AASS: variants seen among roughly 807,000 people sequenced by gnomAD.
AASS encodes the protein aminoadipate-semialdehyde synthase.
AASS carries 86 observed loss-of-function variants against 105.4 expected under a neutral mutation model. That is an observed-to-expected ratio of 0.82 (90% CI 0.69 to 0.98). The LOEUF is 0.98. Ranked by LOEUF, AASS falls within the 50% of genes least tolerant of loss-of-function variation. The pLI is 0.00. For missense variants in AASS, 1,048 were observed against 1,143.2 expected (o/e 0.92, Z 1.20); for synonymous variants, 381 against 394.8 (o/e 0.96, Z 0.41).
intron 3 of AASS, 67 bp downstream of exon 3, chr7:122,129,294 T>C (rs772480984): frequency 1.5e-5 from 16 of 1,073,346 alleles, no homozygotes; most frequent in Non-Finnish European, 1.9e-5. Flanking sequence ...AAAACTCCAT[T>C]TGGGGGTTAA....
intron 3 of AASS, among the ~76,000 whole-genome samples, chr7:122,128,382 T>G (rs1255185178): frequency 6.6e-6 from 1 of 152,210 alleles, no homozygotes; most frequent in Non-Finnish European, 1.5e-5. Flanking sequence ...TCATTTCAGA[T>G]GTATTGGCTC....
intron 1 of AASS, among the ~76,000 whole-genome samples, chr7:122,137,523 G>C (rs1281166590): frequency 1.3e-5 from 2 of 151,998 alleles, no homozygotes; most frequent in Non-Finnish European, 2.9e-5. Context: ...AATCATTCCT[G>C]AGTACCTGCC....
At chr7:122,116,796 C>G in intron 7 of AASS, 36 bp from the exon 8 acceptor site, 1 of 1,613,386 alleles carries the variant, frequency 6.2e-7, no homozygotes, top group African/African-American at 1.3e-5. Context: ...AAGTGGGTGA[C>G]AAATAATAAA....
At chr7:122,142,464 A>G (rs948975449) in intron 1 of AASS, among the ~76,000 whole-genome samples, 7 of 152,210 alleles carry the variant, frequency 4.6e-5, no homozygotes, top group Non-Finnish European at 1.0e-4. Context: ...TTAGAGCCCA[A>G]TAAGCCCTCT....
chr7:122,123,957 T>C (rs1795542524), intron 4 of AASS, among the ~76,000 whole-genome samples: 1 of 152,206 alleles, frequency 6.6e-6, no homozygotes, highest in Non-Finnish European at 1.5e-5. Context: ...GTAACCTGCA[T>C]GTCATCTTTA....
Position 122,074,412 on chromosome 7 carries a change from AATT to A in AASS, c.*2074_*2076del, listed in dbSNP as rs1234483830. On this transcript the variant is annotated 3_prime_UTR_variant, in exon 24 of 24. Transcript: ENST00000417368. ...TTAACTAATACATGATTTTAAAAAAAATTATCTCATTCTGTGGGTTGTATTTTT... is the reference window on the plus strand; with the variant it reads ...TTAACTAATACATGATTTTAAAAAAAATCTCATTCTGTGGGTTGTATTTTT... Among the ~76,000 whole-genome samples the A allele has an allele frequency of 1.3e-5, 2 of 152,224 alleles. No homozygotes were observed. Among genetic ancestry groups the A allele is most frequent in the African/African-American group, 4.8e-5 (2 of 41,460 alleles).
At chr7:122,123,759 AC>A (rs1795534821) in intron 4 of AASS, among the ~76,000 whole-genome samples, 1 of 152,158 alleles carries the variant, frequency 6.6e-6, no homozygotes, top group Non-Finnish European at 1.5e-5. Context: ...CTCTCATTCC[AC>A]CATCCCTAGA....
intron 23 of AASS, 112 bp from the exon 24 acceptor site, chr7:122,076,719 C>T: frequency 8.6e-6 from 7 of 817,062 alleles, no homozygotes; most frequent in Non-Finnish European, 1.5e-5. Context: ...TTCTTGGAGG[C>T]CTAGGCATTT....
chr7:122,133,836 G>T, intron 1 of AASS, 95 bp from the exon 2 acceptor site: 2 of 1,058,240 alleles, frequency 1.9e-6, no homozygotes, highest in Non-Finnish European at 2.9e-6. Context: ...AATACAACCC[G>T]CTCTTATGAA....
rs767865829 is a variant in AASS at position 122,091,844 on chromosome 7, C to T, written c.1876-1G>A. 3 of 1,587,736 alleles carry T rather than the reference C, an allele frequency of 1.9e-6. No homozygotes were observed. The highest frequency in any genetic ancestry group is 2.6e-6 in the Non-Finnish European group (3 of 1,157,436). ...CACAGTAGGAAATATATGATTCAAT[C>T]TATAAATTAAAGAATCAATAAATAA... is the stretch of plus-strand genomic sequence containing the variant. On this transcript the variant is annotated splice_acceptor_variant, in intron 17 of 23. Coordinates refer to ENST00000417368, the MANE Select transcript of AASS (RefSeq NM_005763.4). LOFTEE classifies it high-confidence loss of function.
In AASS at chr7:122,093,079, T is replaced by G; in HGVS notation, c.1735A>C (p.Ile579Leu). Residue 579 changes from isoleucine (I) to leucine (L), a missense_variant, in exon 16 of 24, where the codon ATC (isoleucine) becomes CTC (leucine). Ile to Leu is a conservative substitution (Grantham distance 5). Coordinates refer to ENST00000417368, the MANE Select transcript of AASS (RefSeq NM_005763.4). The part of the protein sequence containing the change: ...NKVNMVTASY[I>L]TPALKELEKS... Reference sequence around the variant, plus strand: ...TCCAATTCTTTTAGTGCTGGTGTGATGTAGCTTGCAGTGACCATGTTAACT... The same window carrying G: ...TCCAATTCTTTTAGTGCTGGTGTGAGGTAGCTTGCAGTGACCATGTTAACT... 6.2e-7 allele frequency: 1 copy of G among 1,614,054 alleles called. No homozygotes were observed. The highest frequency in any genetic ancestry group is 8.5e-7 in the Non-Finnish European group (1 of 1,179,908).
chr7:122,118,532 C>CA (rs767382596), intron 5 of AASS, 31 bp downstream of exon 5: 3 of 1,613,770 alleles, frequency 1.9e-6, no homozygotes, highest in East Asian at 2.2e-5. Context: ...GATGTGTTTT[C>CA]AAAAAAATTA....
chr7:122,124,119 T>C (rs1198993283), intron 4 of AASS, among the ~76,000 whole-genome samples: 1 of 152,186 alleles, frequency 6.6e-6, no homozygotes, highest in Non-Finnish European at 1.5e-5. Context: ...AACTATTATT[T>C]TCCCCCTCTT....
chr7:122,114,279 T>C (rs1795069921), intron 9 of AASS, among the ~76,000 whole-genome samples: 1 of 152,202 alleles, frequency 6.6e-6, no homozygotes, highest in Non-Finnish European at 1.5e-5. Flanking sequence ...TAAGCACCAA[T>C]CCTTTCACTT....
At chr7:122,142,430 T>C (rs1015804257) in intron 1 of AASS, among the ~76,000 whole-genome samples, 8 of 152,258 alleles carry the variant, frequency 5.3e-5, no homozygotes, top group Non-Finnish European at 1.2e-4. Flanking sequence ...CCCCCACCCT[T>C]ACATTATTTT....
intron 8 of AASS, among the ~76,000 whole-genome samples, chr7:122,116,013 T>C (rs143386790): frequency 2.6e-5 from 4 of 152,306 alleles, no homozygotes; most frequent in African/African-American, 9.6e-5. Context: ...TGCATGCATT[T>C]TTTGTTTTAT....
At chr7:122,097,532 C>T (rs931539660) in intron 15 of AASS, among the ~76,000 whole-genome samples, 1 of 151,968 alleles carries the variant, frequency 6.6e-6, no homozygotes, top group Non-Finnish European at 1.5e-5. Context: ...CCACCTTTTA[C>T]CCTTAAGCAG....
intron 15 of AASS, among the ~76,000 whole-genome samples, chr7:122,097,320 G>C (rs1020832667): frequency 6.6e-6 from 1 of 151,828 alleles, no homozygotes; most frequent in South Asian, 2.1e-4. Flanking sequence ...AGGAATGAAT[G>C]ACTATTTTCA....
Position 122,093,093 on chromosome 7 carries a change from A to C in AASS, c.1721T>G (p.Val574Gly). 1 of 1,614,002 alleles carries C rather than the reference A, an allele frequency of 6.2e-7. No individual in the cohort carries two copies. Among genetic ancestry groups the C allele is most frequent in the South Asian group, 1.1e-5 (1 of 91,080 alleles). Residue 574 changes from valine to glycine, a missense_variant, in exon 16 of 24, where the codon GTC (valine) becomes GGC (glycine). By Grantham distance (109) the Val-to-Gly change is moderately radical. Coordinates refer to ENST00000417368, the MANE Select transcript of AASS (RefSeq NM_005763.4). ...TGCTGGTGTGATGTAGCTTGCAGTG[A>C]CCATGTTAACTTTGTTTGTGATGCA... ...KACITNKVNM[V>G]TASYITPALK...
Sources: allele counts gnomAD v4.1 joint callset (sites outside exome capture counted in the v4.1 genomes callset), GRCh38; gene constraint gnomAD v4.1.1; transcripts MANE v1.5; gene names NCBI Gene and HGNC (gene_info 2026-07-23, HGNC 2026-07-21).